CHM: variants seen among roughly 807,000 people sequenced by gnomAD.
CHM encodes the protein rab proteins geranylgeranyltransferase component A 1.
In CHM, 10 loss-of-function variants were observed where a neutral mutation model predicts 49.0. That is an observed-to-expected ratio of 0.20 (90% CI 0.13 to 0.35). The LOEUF is 0.35. CHM is among the 10% of genes least tolerant of loss of function. The probability of loss-of-function intolerance (pLI) is 1.00; values close to 1 mark genes in which losing one functional copy is unlikely to be tolerated. For missense variants in CHM, 455 were observed against 478.4 expected, an observed-to-expected ratio of 0.95 and a Z score of 0.46; for synonymous variants, 184 against 167.5, an observed-to-expected ratio of 1.10 and a Z score of -0.76.
At chrX:85,882,814 G>GCA (rs1226772817) in intron 12 of CHM, among the ~76,000 whole-genome samples, 2 of 111,398 alleles carry the variant, frequency 1.8e-5, no homozygotes, top group Non-Finnish European at 3.8e-5. Flanking sequence ...ACAATAATGA[G>GCA]CACATTTAAA....
chrX:85,916,048 A>C lies in CHM; in HGVS notation c.1167-4710T>G, dbSNP rs187761757. 5.7e-3 allele frequency among the ~76,000 whole-genome samples: 644 copies of C among 112,254 alleles called. 4 individuals carry two copies. Among genetic ancestry groups the C allele is most frequent in the Admixed American group, 0.011 (113 of 10,607 alleles). ...GCATCAGGCTACCTGACCTCAAACT[A>C]TACTACAGGGTTACAGTAACCAAAG... On this transcript the variant is annotated intron_variant, in intron 8 of 14. Transcript: ENST00000357749.
chrX:85,998,797 G>A (rs1210648568), intron 2 of CHM, among the ~76,000 whole-genome samples: 3 of 111,009 alleles, frequency 2.7e-5, no homozygotes, highest in African/African-American at 9.8e-5. Context: ...CCATCATAAA[G>A]TTGAAAAACT....
chrX:85,926,084 T>A (rs1432185731), intron 8 of CHM, among the ~76,000 whole-genome samples: 1 of 110,688 alleles, frequency 9.0e-6, no homozygotes, highest in Non-Finnish European at 1.9e-5. Flanking sequence ...GTTGGAAGTG[T>A]GTTACGATGC....
At chrX:85,945,481 C>T (rs186935633) in intron 8 of CHM, among the ~76,000 whole-genome samples, 1 of 103,713 alleles carries the variant, frequency 9.6e-6, no homozygotes, top group Non-Finnish European at 2.0e-5. Flanking sequence ...GTGCCTGCTC[C>T]ACCTTCAGCT....
intron 4 of CHM, among the ~76,000 whole-genome samples, chrX:85,964,580 T>A (rs1178533480): frequency 9.0e-6 from 1 of 111,702 alleles, no homozygotes; most frequent in African/African-American, 3.3e-5. Flanking sequence ...GTGGTAGTTA[T>A]CAAAGATGAT....
chrX:85,940,626 CAA>C (rs67187945), intron 8 of CHM, among the ~76,000 whole-genome samples: 14 of 99,489 alleles, frequency 1.4e-4, no homozygotes, highest in Admixed American at 1.1e-4. Flanking sequence ...ATTATCCTGG[CAA>C]AAAAAAAAAA....
intron 2 of CHM, among the ~76,000 whole-genome samples, chrX:86,009,643 G>C (rs1932974694): frequency 8.9e-6 from 1 of 112,175 alleles, no homozygotes; most frequent in Non-Finnish European, 1.9e-5. Flanking sequence ...CTATTTAATT[G>C]AAAGTATCAA....
intron 2 of CHM, among the ~76,000 whole-genome samples, chrX:86,025,655 C>T (rs1371430258): frequency 1.2e-5 from 1 of 86,688 alleles, no homozygotes; most frequent in Non-Finnish European, 2.1e-5. Context: ...ATAGTCTAGG[C>T]AACAGAGTGA....
chrX:86,019,714 A>G (rs1475390770), intron 2 of CHM: 1 of 112,041 alleles, frequency 8.9e-6, no homozygotes, highest in East Asian at 2.8e-4. Context: ...GACTAGCCTA[A>G]AAAAATAAAA....
At chrX:85,966,750 T>C (rs1930604509) in intron 4 of CHM, among the ~76,000 whole-genome samples, 1 of 111,699 alleles carries the variant, frequency 9.0e-6, no homozygotes, top group Non-Finnish European at 1.9e-5. Flanking sequence ...TTAATTACAC[T>C]TTACAGATAA....
intron 4 of CHM, among the ~76,000 whole-genome samples, chrX:85,973,529 A>G (rs995410897): frequency 7.2e-5 from 8 of 110,504 alleles, no homozygotes; most frequent in Admixed American, 1.9e-4. Context: ...TAGTGCACCA[A>G]TGATTCAAGT....
chrX:85,973,300 CAAA>C (rs58103002), intron 4 of CHM, among the ~76,000 whole-genome samples: 76 of 16,271 alleles, frequency 4.7e-3, no homozygotes, highest in African/African-American at 0.019. Flanking sequence ...TCTGTCTCGA[CAAA>C]AAAAAAAAAA....
At chrX:85,884,339 T>C (rs1924954577) in intron 12 of CHM, among the ~76,000 whole-genome samples, 1 of 111,134 alleles carries the variant, frequency 9.0e-6, no homozygotes, top group Non-Finnish European at 1.9e-5. Context: ...ATAATCATGA[T>C]TTCCTATCAG....
chrX:85,938,602 CACTAA>C (rs1928922905), intron 8 of CHM, among the ~76,000 whole-genome samples: 1 of 105,913 alleles, frequency 9.4e-6, no homozygotes, highest in African/African-American at 3.5e-5. Context: ...TCCTCTGAGA[CACTAA>C]TAGAGACACT....
intron 2 of CHM, among the ~76,000 whole-genome samples, chrX:86,021,033 CAT>C (rs1159156871): frequency 5.2e-5 from 5 of 96,048 alleles, no homozygotes; most frequent in East Asian, 6.5e-4. Flanking sequence ...TATACACACA[CAT>C]ATATATACAC....
intron 8 of CHM, among the ~76,000 whole-genome samples, chrX:85,947,189 C>T (rs768154146): frequency 9.0e-6 from 1 of 111,725 alleles, no homozygotes; most frequent in African/African-American, 3.3e-5. Context: ...TATTTTGAAA[C>T]GTGATAAGGA....
At chrX:85,923,535 G>C (rs1462787130) in intron 8 of CHM, among the ~76,000 whole-genome samples, 2 of 112,110 alleles carry the variant, frequency 1.8e-5, no homozygotes, top group Admixed American at 1.9e-4. Context: ...AAGTGTTAAT[G>C]CTGATGGCAA....
At chrX:85,893,690 G>T (rs766445159) in intron 12 of CHM, among the ~76,000 whole-genome samples, 9 of 110,933 alleles carry the variant, frequency 8.1e-5, no homozygotes, top group Non-Finnish European at 1.7e-4. Flanking sequence ...CCTGTATGAG[G>T]ACACACAGAA....
Position 85,862,546 on chromosome X carries a change from C to T in CHM, c.*2084G>A, listed in dbSNP as rs1276905610. The stretch of plus-strand genomic sequence containing the variant: ...ATTTGATATAAGAAAAATCGAATCC[C>T]TATGACAAAGTAGGTTATAATGTGA... On this transcript the variant is annotated 3_prime_UTR_variant, in exon 15 of 15. Coordinates refer to ENST00000357749, the MANE Select transcript of CHM (RefSeq NM_000390.4). 8.9e-6 allele frequency: 1 copy of T among 111,763 alleles called. No individual in the cohort carries two copies. Among genetic ancestry groups the T allele is most frequent in the Non-Finnish European group, 1.9e-5 (1 of 53,110 alleles). 9.2% of individuals were successfully genotyped at this position (111,763 alleles called of 1,213,427 possible). A position where few individuals can be genotyped will look rare whatever the true frequency, so the allele number is the denominator to read the frequency against.
Sources: gnomAD v4.1 joint callset for allele counts (sites outside exome capture counted in the v4.1 genomes callset) on GRCh38, gnomAD v4.1.1 for gene constraint, MANE v1.5 for transcripts, NCBI Gene and HGNC (gene_info 2026-07-23, HGNC 2026-07-21) for gene names.